CACNA2D3: variants seen among roughly 807,000 people sequenced by gnomAD.
CACNA2D3 encodes the protein calcium voltage-gated channel auxiliary subunit alpha2delta 3, also known as voltage-dependent calcium channel subunit alpha-2/delta-3.
Under a neutral mutation model 160.6 loss-of-function variants are expected in CACNA2D3, and 60 were observed. That is an observed-to-expected ratio of 0.37 (90% CI 0.30 to 0.46). The LOEUF is 0.46. Among genes scored for constraint, CACNA2D3 ranks in the 20% least tolerant of loss-of-function variants. The probability of loss-of-function intolerance (pLI) is 1.00; values close to 1 mark genes in which losing one functional copy is unlikely to be tolerated. For synonymous variants in CACNA2D3, 558 were observed against 492.9 expected (o/e 1.13, Z -1.75); for missense variants, 1,205 against 1,365.0 (o/e 0.88, Z 1.85).
chr3:54,998,376 G>C (rs192449233), intron 31 of CACNA2D3, among the ~76,000 whole-genome samples: 1 of 152,020 alleles, frequency 6.6e-6, no homozygotes. Flanking sequence ...TCAAGTGATC[G>C]GCCCACCTTG....
At chr3:54,357,130 C>T (rs942094727) in intron 3 of CACNA2D3, among the ~76,000 whole-genome samples, 8 of 152,194 alleles carry the variant, frequency 5.3e-5, no homozygotes, top group Admixed American at 5.2e-4. Context: ...GTCTGTGCCA[C>T]ACTGTGAGCT....
At chr3:54,405,695 A>G (rs997493946) in intron 4 of CACNA2D3, among the ~76,000 whole-genome samples, 3 of 152,192 alleles carry the variant, frequency 2.0e-5, no homozygotes, top group Non-Finnish European at 4.4e-5. Flanking sequence ...AGCTCAGGCT[A>G]CAAAAGCAAA....
At chr3:54,169,115 A>G (rs957460937) in intron 2 of CACNA2D3, among the ~76,000 whole-genome samples, 3 of 152,210 alleles carry the variant, frequency 2.0e-5, no homozygotes, top group Admixed American at 2.0e-4. Flanking sequence ...TAGTTGTGAC[A>G]CGAGAGACCC....
intron 3 of CACNA2D3, among the ~76,000 whole-genome samples, chr3:54,362,764 G>A (rs539461929): frequency 5.9e-5 from 9 of 152,360 alleles, no homozygotes; most frequent in Non-Finnish European, 1.3e-4. Context: ...AGCGGTGTGT[G>A]TCAAGCCTTG....
At chr3:54,463,579 T>C (rs1700550240) in intron 4 of CACNA2D3, among the ~76,000 whole-genome samples, 1 of 150,670 alleles carries the variant, frequency 6.6e-6, no homozygotes, top group African/African-American at 2.4e-5. Flanking sequence ...CTCCTGAGGC[T>C]TCTGCATTCT....
intron 9 of CACNA2D3, among the ~76,000 whole-genome samples, chr3:54,592,306 C>T (rs1249905140): frequency 2.0e-5 from 3 of 152,212 alleles, no homozygotes; most frequent in Non-Finnish European, 4.4e-5. Flanking sequence ...CATAGATTTT[C>T]GAGATTTTGC....
intron 4 of CACNA2D3, among the ~76,000 whole-genome samples, chr3:54,465,913 C>T (rs577596026): frequency 6.6e-6 from 1 of 152,194 alleles, no homozygotes; most frequent in Non-Finnish European, 1.5e-5. Context: ...AGATTGACTT[C>T]CTAGTTCATT....
intron 27 of CACNA2D3, among the ~76,000 whole-genome samples, chr3:54,921,840 T>C (rs2106932384): frequency 6.6e-6 from 1 of 152,342 alleles, no homozygotes; most frequent in Middle Eastern, 3.4e-3. Context: ...CATATATAAC[T>C]AAAGTCTGGG....
chr3:54,260,767 C>T (rs1365268088), intron 2 of CACNA2D3, among the ~76,000 whole-genome samples: 1 of 152,004 alleles, frequency 6.6e-6, no homozygotes, highest in Non-Finnish European at 1.5e-5. Flanking sequence ...GAGTTTGACT[C>T]TCACAATCCC....
chr3:54,802,677 C>G (rs1703020158), intron 13 of CACNA2D3, among the ~76,000 whole-genome samples: 1 of 152,100 alleles, frequency 6.6e-6, no homozygotes, highest in Non-Finnish European at 1.5e-5. Flanking sequence ...ACTTAAATGT[C>G]CCTGTCTGAC....
intron 4 of CACNA2D3, among the ~76,000 whole-genome samples, chr3:54,449,325 T>C (rs1347663655): frequency 6.6e-6 from 1 of 152,216 alleles, no homozygotes; most frequent in Non-Finnish European, 1.5e-5. Context: ...TTTATCTCTA[T>C]GTGTAGCTGA....
chr3:54,761,429 T>C (rs954987290), intron 12 of CACNA2D3, among the ~76,000 whole-genome samples: 4 of 152,198 alleles, frequency 2.6e-5, no homozygotes, highest in African/African-American at 7.2e-5. Flanking sequence ...AGATGAAATA[T>C]TTTCTTTCTT....
intron 27 of CACNA2D3, among the ~76,000 whole-genome samples, chr3:54,936,425 A>G (rs982528745): frequency 3.2e-4 from 48 of 152,172 alleles, no homozygotes; most frequent in African/African-American, 1.1e-3. Flanking sequence ...TCTGCTTGTC[A>G]TCAAAGTCGC....
At chr3:54,823,413 A>G (rs1014974333) in intron 14 of CACNA2D3, among the ~76,000 whole-genome samples, 8 of 152,186 alleles carry the variant, frequency 5.3e-5, no homozygotes, top group Admixed American at 5.2e-4. Flanking sequence ...TTACACTTTT[A>G]TGCATGAAAA....
intron 30 of CACNA2D3, among the ~76,000 whole-genome samples, chr3:54,985,400 C>T (rs775263716): frequency 3.9e-5 from 6 of 152,136 alleles, no homozygotes; most frequent in Non-Finnish European, 7.4e-5. Context: ...ACTTTTCCTG[C>T]AATTAGAAAT....
intron 10 of CACNA2D3, among the ~76,000 whole-genome samples, chr3:54,633,143 A>G (rs1183729139): frequency 6.6e-6 from 1 of 152,188 alleles, no homozygotes; most frequent in African/African-American, 2.4e-5. Flanking sequence ...AAACCCTAAA[A>G]GGGATGGAGG....
intron 27 of CACNA2D3, among the ~76,000 whole-genome samples, chr3:54,954,605 G>A (rs1356519164): frequency 2.6e-5 from 4 of 152,182 alleles, no homozygotes; most frequent in Admixed American, 6.5e-5. Context: ...CGTTCAGGAG[G>A]CTGGAGGTAG....
At chr3:54,825,007 C>G (rs1311950382) in intron 14 of CACNA2D3, among the ~76,000 whole-genome samples, 1 of 152,112 alleles carries the variant, frequency 6.6e-6, no homozygotes, top group Non-Finnish European at 1.5e-5. Flanking sequence ...TCTTAGAAAT[C>G]CAGTGTCTTC....
At chr3:55,028,134 A>G (rs1703605867) in intron 35 of CACNA2D3, among the ~76,000 whole-genome samples, 1 of 152,202 alleles carries the variant, frequency 6.6e-6, no homozygotes, top group Non-Finnish European at 1.5e-5. Flanking sequence ...GAATCATTAG[A>G]TGGTTTCGTA....
Sources: allele counts gnomAD v4.1 joint callset (sites outside exome capture counted in the v4.1 genomes callset), GRCh38; gene constraint gnomAD v4.1.1; transcripts MANE v1.5; gene names NCBI Gene and HGNC (gene_info 2026-07-23, HGNC 2026-07-21).